NDRG2: variants seen among roughly 807,000 people sequenced by gnomAD.
NDRG2 encodes NDRG family member 2.
In NDRG2, 34 loss-of-function variants were observed where a neutral mutation model predicts 58.2. That is an observed-to-expected ratio of 0.58 (90% CI 0.44 to 0.78). The LOEUF is 0.78. Among genes scored for constraint, NDRG2 ranks in the 30% least tolerant of loss-of-function variants. The pLI is 0.00. For synonymous variants in NDRG2, 187 were observed against 175.9 expected (o/e 1.06, Z -0.50); for missense variants, 434 against 471.2 (o/e 0.92, Z 0.73).
chr14:21,048,632 G>A (rs528417402), intron 1 of NDRG2: 2 of 152,328 alleles, frequency 1.3e-5, no homozygotes, highest in East Asian at 3.9e-4. Context: ...CTTCACAAGA[G>A]TATAATGTGG....
chr14:21,025,763 A>G, upstream of NDRG2: 1 of 873,054 alleles, frequency 1.1e-6, no homozygotes, highest in Non-Finnish European at 1.4e-6. The surrounding 1 kb of genome is among the most constrained non-coding windows in gnomAD (Gnocchi z 5.1). Flanking sequence ...GGGGGCGGGG[A>G]ATGCGGGGGG....
chr14:21,041,636 C>T (rs886133272), intron 1 of NDRG2, among the ~76,000 whole-genome samples: 2 of 152,086 alleles, frequency 1.3e-5, no homozygotes, highest in Admixed American at 1.3e-4. Flanking sequence ...GGCAGGATGT[C>T]GAGAGCAGCA....
At chr14:21,041,226 C>T (rs1046812501) in intron 1 of NDRG2, among the ~76,000 whole-genome samples, 2 of 152,158 alleles carry the variant, frequency 1.3e-5, no homozygotes, top group African/African-American at 4.8e-5. Flanking sequence ...AATTCGTGGC[C>T]TTAGGCAATC....
chr14:21,055,758 C>A (rs1429804590), intron 1 of NDRG2, among the ~76,000 whole-genome samples: 2 of 152,200 alleles, frequency 1.3e-5, no homozygotes, highest in South Asian at 4.1e-4. Flanking sequence ...CAGCTTGGGT[C>A]TGTAACCGTT....
upstream of NDRG2, among the ~76,000 whole-genome samples, chr14:21,029,839 C>T: frequency 6.6e-6 from 1 of 152,248 alleles, no homozygotes; most frequent in East Asian, 1.9e-4. Flanking sequence ...TCTGCCAGCA[C>T]CTTGATCTTA....
rs899933912 is a variant in NDRG2, at chr14:21,024,900, G to A, written c.-877C>T. On this transcript the variant is annotated 5_prime_UTR_variant, in exon 1 of 16. Transcript: ENST00000556147. ...GCCTCAGCCTTTGTGCGCAGCAACC[G>A]AGCGCCCGCTCCGTGCTGGCCCTTT... 2 of 985,444 alleles carry A rather than the reference G, an allele frequency of 2.0e-6. No individual in the cohort carries two copies. Among genetic ancestry groups the A allele is most frequent in the East Asian group, 1.1e-4 (1 of 8,796 alleles). The allele number at this position is 985,444 out of a possible 1,614,324, so 61.0% of individuals were successfully genotyped here. A position where few individuals can be genotyped will look rare whatever the true frequency, so the allele number is the denominator to read the frequency against.
At chr14:21,033,363 G>A in intron 1 of NDRG2, 1 of 276,368 alleles carries the variant, frequency 3.6e-6, no homozygotes, top group East Asian at 1.0e-4. Flanking sequence ...CCCTGAGTAG[G>A]TGGGTGAGTG....
At chr14:21,041,574 A>G (rs1384615199) in intron 1 of NDRG2, among the ~76,000 whole-genome samples, 1 of 152,202 alleles carries the variant, frequency 6.6e-6, no homozygotes, top group Non-Finnish European at 1.5e-5. Context: ...GATGCTCCAC[A>G]CAGCTGTAAC....
chr14:21,070,212 G>T lies in NDRG2; in HGVS notation c.24+616C>A. 2.5e-6 allele frequency: 1 copy of T among 405,052 alleles called. No individual in the cohort carries two copies. The highest frequency in any genetic ancestry group is 3.8e-6 in the Non-Finnish European group (1 of 266,152). 25.1% of individuals were successfully genotyped at this position (405,052 alleles called of 1,614,324 possible). A position where few individuals can be genotyped will look rare whatever the true frequency, so the allele number is the denominator to read the frequency against. ...GGGCGCTGAAGGGCGGGGCGGGGAG[G>T]GGCGGCCGTCTCGGCCCTCCCTGGC... On this transcript the variant is annotated intron_variant, in intron 1 of 14. Transcript: ENST00000403829. The surrounding 1 kb of genome is among the most constrained non-coding windows in gnomAD (Gnocchi z 4.7).
chr14:21,020,789 A>G lies in NDRG2; in HGVS notation c.463T>C (p.Tyr155His). 1 of 1,614,028 alleles carries G rather than the reference A, an allele frequency of 6.2e-7. No individual in the cohort carries two copies. Among genetic ancestry groups the G allele is most frequent in the South Asian group, 1.1e-5 (1 of 91,048 alleles). Residue 155 changes from tyrosine (Y) to histidine (H), a missense_variant, in exon 7 of 16, where the codon TAT becomes CAT. Tyr to His is a moderately conservative substitution (Grantham distance 83). Transcript: ENST00000556147. ...CTGGGCTTTTTATTTCTTACAGCAT[A>G]TCTCGCCAGGATGTAGGCTCCAGCT... The part of the protein sequence containing the change: ...VGAGAYILAR[Y>H]ALNHPDTVEG...
intron 1 of NDRG2, among the ~76,000 whole-genome samples, chr14:21,052,209 G>C (rs988191721): frequency 2.6e-5 from 4 of 152,256 alleles, no homozygotes; most frequent in African/African-American, 9.6e-5. Flanking sequence ...GCTCCTGTGA[G>C]CTAGCCATGT....
intron 1 of NDRG2, among the ~76,000 whole-genome samples, chr14:21,053,694 C>T (rs1398424408): frequency 1.3e-5 from 2 of 152,120 alleles, no homozygotes; most frequent in African/African-American, 4.8e-5. Context: ...GTCCCAGCTA[C>T]TCAGGAGGCT....
chr14:21,068,613 A>T (rs565469310), intron 1 of NDRG2, among the ~76,000 whole-genome samples: 14 of 152,218 alleles, frequency 9.2e-5, no homozygotes, highest in Middle Eastern at 6.8e-3. Context: ...CGGAATGGAC[A>T]CCAGGGGGTA....
chr14:21,023,256 C>T lies in NDRG2; in HGVS notation c.60G>A (p.Thr20=), dbSNP rs758305305. Residue 20 remains threonine, a synonymous_variant, in exon 2 of 16, where the codon ACG becomes ACA. Coordinates refer to ENST00000556147, the MANE Select transcript of NDRG2 (RefSeq NM_001320329.2). ...CTCTAATAACCTTGGCCGCCTCAGG[C>T]GTCTGTCCTGGCAACAGTGGCTTCT... is the stretch of plus-strand genomic sequence containing the variant. ...TEEKPLLPGQ[T]PEAAKEAELA... is the part of the protein sequence containing the mutation. 5.6e-6 allele frequency: 9 copies of T among 1,613,816 alleles called. No individual in the cohort carries two copies. The highest frequency in any genetic ancestry group is 7.6e-6 in the Non-Finnish European group (9 of 1,179,946).
At chr14:21,064,939 G>A (rs898330304) in intron 1 of NDRG2, among the ~76,000 whole-genome samples, 5 of 152,184 alleles carry the variant, frequency 3.3e-5, no homozygotes, top group Admixed American at 2.6e-4. Context: ...GGGAGGCAGA[G>A]GCAGGCAGAT....
At chr14:21,065,402 T>C (rs919708193) in intron 1 of NDRG2, among the ~76,000 whole-genome samples, 6 of 152,192 alleles carry the variant, frequency 3.9e-5, no homozygotes, top group African/African-American at 7.2e-5. Flanking sequence ...AGTCTTCACT[T>C]GGATTTATGA....
intron 14 of NDRG2, 27 bp downstream of exon 14, chr14:21,018,177 C>T (rs753499682): frequency 9.3e-6 from 15 of 1,613,460 alleles, no homozygotes; most frequent in African/African-American, 1.3e-5. Context: ...GTCCCTTCCC[C>T]ATCCCATGGA....
rs1319459226 is a variant in NDRG2 at position 21,017,111 on chromosome 14, C to T, written c.*485G>A. The T allele has an allele frequency of 1.4e-5, 6 of 426,048 alleles. No individual in the cohort carries two copies. The highest frequency in any genetic ancestry group is 2.9e-5 in the Non-Finnish European group (6 of 208,930). The allele number at this position is 426,048 out of a possible 1,614,324, so 26.4% of individuals were successfully genotyped here. A position where few individuals can be genotyped will look rare whatever the true frequency, so the allele number is the denominator to read the frequency against. On this transcript the variant is annotated 3_prime_UTR_variant, in exon 16 of 16. Coordinates refer to ENST00000556147, the MANE Select transcript of NDRG2 (RefSeq NM_001320329.2). ...GAGGACCACTAACCCACCAGCAAGTCTCCCCCTGACACACATTCACGTAGG... is the reference window on the plus strand; with the variant it reads ...GAGGACCACTAACCCACCAGCAAGTTTCCCCCTGACACACATTCACGTAGG...
intron 1 of NDRG2, among the ~76,000 whole-genome samples, chr14:21,066,834 C>G (rs1279787575): frequency 6.6e-6 from 1 of 152,062 alleles, no homozygotes; most frequent in Non-Finnish European, 1.5e-5. Flanking sequence ...CAAATAAAAC[C>G]AAAACCAATG....
Sources: gnomAD v4.1 joint callset for allele counts (sites outside exome capture counted in the v4.1 genomes callset) on GRCh38, gnomAD v4.1.1 for gene constraint, Gnocchi (gnomAD v3.1) non-coding constraint, MANE v1.5 for transcripts, NCBI Gene and HGNC (gene_info 2026-07-23, HGNC 2026-07-21) for gene names.